The following CP variants were observed in gnomAD, a reference collection of about 807,000 sequenced individuals.
CP encodes the protein ceruloplasmin, also known as caeruloplasmin.
In CP, 64 loss-of-function variants were observed where a neutral mutation model predicts 122.4. That is an observed-to-expected ratio of 0.52 (90% confidence interval 0.43 to 0.64). The LOEUF is 0.64. Among genes scored for constraint, CP ranks in the 30% least tolerant of loss-of-function variants. The probability of loss-of-function intolerance (pLI) is 0.00; values close to 1 mark genes in which losing one functional copy is unlikely to be tolerated. For synonymous variants in CP, 440 were observed against 436.4 expected (o/e 1.01, Z -0.10); for missense variants, 1,167 against 1,284.4 (o/e 0.91, Z 1.40).
intron 10 of CP, among the ~76,000 whole-genome samples, chr3:149,187,648 A>G (rs924675660): frequency 1.3e-5 from 2 of 152,238 alleles, no homozygotes; most frequent in African/African-American, 4.8e-5. Flanking sequence ...AAATGAGAAA[A>G]GCATCTGATC....
chr3:149,186,527 G>A lies in CP; in HGVS notation c.2070C>T (p.Asp690=). The A allele has an allele frequency of 6.2e-7, 1 of 1,614,104 alleles. No homozygotes were observed. Residue 690 remains aspartate (D), a synonymous_variant, in exon 11 of 19, where the codon GAC becomes GAT. Coordinates refer to ENST00000264613, the MANE Select transcript of CP (RefSeq NM_000096.4). ...GGCTTTAAGTAAATATACCCTCTGT[G>A]TCAGGCCACATGTGGAGCGTAAGAC... is the stretch of plus-strand genomic sequence containing the variant. ...QTSLTLHMWP[D]TEGTFNVECL... is the part of the protein sequence containing the mutation.
chr3:149,209,736 G>A (rs1727981704), intron 3 of CP, among the ~76,000 whole-genome samples: 1 of 152,156 alleles, frequency 6.6e-6, no homozygotes, highest in Admixed American at 6.5e-5. Flanking sequence ...AGTTAGAATT[G>A]TATTTCAGGC....
chr3:149,190,656 T>TAAA (rs146345788), intron 9 of CP, among the ~76,000 whole-genome samples: 10 of 64,078 alleles, frequency 1.6e-4, no homozygotes, highest in African/African-American at 2.8e-4. Flanking sequence ...AGACTCTGTC[T>TAAA]AAAAAAAAAA....
intron 14 of CP, 30 bp downstream of exon 14, chr3:149,181,975 C>CTGGGGGGG: frequency 1.8e-6 from 2 of 1,088,426 alleles, no homozygotes; most frequent in Non-Finnish European, 2.7e-6. Flanking sequence ...TGTTAAAATG[C>CTGGGGGGG]ACCACCCCCA....
In CP at chr3:149,221,769, A is replaced by C; in HGVS notation, c.24T>G (p.Ile8Met). ...CTGGGGTACTACATAAAAACAGAAA[A>C]ATACCAAGTATCAAAATCTTCATTT... is the stretch of plus-strand genomic sequence containing the variant. Reference protein sequence around the residue: MKILILGIFLFLCSTPAW... With the variant: MKILILGMFLFLCSTPAW... Residue 8 changes from isoleucine (I) to methionine (M), a missense_variant, in exon 1 of 19, where the codon ATT becomes ATG. Transcript: ENST00000264613. The C allele has an allele frequency of 6.2e-7, 1 of 1,613,842 alleles. No individual in the cohort carries two copies. The highest frequency in any genetic ancestry group is 1.1e-5 in the South Asian group (1 of 91,052).
downstream of CP, chr3:149,168,237 G>T (rs553610247): frequency 9.5e-4 from 407 of 430,246 alleles, 1 homozygote; most frequent in Non-Finnish European, 1.5e-3. Flanking sequence ...CATAGAAAAT[G>T]ACAGCATCAG....
chr3:149,201,155 G>A (rs1412793256), intron 7 of CP, among the ~76,000 whole-genome samples: 1 of 151,866 alleles, frequency 6.6e-6, no homozygotes. Flanking sequence ...ACGGAGTCTC[G>A]CTCTGTCACC....
intron 14 of CP, 31 bp downstream of exon 14, chr3:149,181,974 G>GGGGGGGGGGGGGGGGGGC: frequency 2.2e-6 from 3 of 1,356,686 alleles, no homozygotes; most frequent in East Asian, 2.4e-5. Context: ...CTGTTAAAAT[G>GGGGGGGGGGGGGGGGGGC]CACCACCCCC....
At chr3:149,201,958 C>G in intron 7 of CP, 144 bp downstream of exon 7, 3 of 1,071,032 alleles carry the variant, frequency 2.8e-6, no homozygotes, top group Non-Finnish European at 4.1e-6. Context: ...AAGTACTTAG[C>G]TGCTGCATTT....
chr3:149,181,975 C>CCGGGGG, intron 14 of CP, 30 bp downstream of exon 14: 1 of 1,088,424 alleles, frequency 9.2e-7, no homozygotes, highest in Non-Finnish European at 1.4e-6. Flanking sequence ...TGTTAAAATG[C>CCGGGGG]ACCACCCCCA....
intron 6 of CP, among the ~76,000 whole-genome samples, chr3:149,205,689 G>A (rs536486759): frequency 3.3e-5 from 5 of 152,104 alleles, no homozygotes; most frequent in Non-Finnish European, 7.4e-5. Flanking sequence ...CCTAGAATAG[G>A]AAAACTCATA....
At chr3:149,207,770 T>C (rs1317341581) in intron 4 of CP, 153 bp from the exon 5 acceptor site, 1 of 781,534 alleles carries the variant, frequency 1.3e-6, no homozygotes, top group Middle Eastern at 3.2e-4. Flanking sequence ...ACATTGCTAA[T>C]CAATCACAGC....
At chr3:149,213,164 TA>T (rs1159019979) in intron 1 of CP, among the ~76,000 whole-genome samples, 3 of 152,244 alleles carry the variant, frequency 2.0e-5, no homozygotes, top group African/African-American at 7.2e-5. Flanking sequence ...TATATTTATA[TA>T]TTTTTTTCCT....
At chr3:149,162,937 A>G in intron 5 of CP, 2 of 1,328,766 alleles carry the variant, frequency 1.5e-6, no homozygotes, top group South Asian at 1.2e-5. Context: ...ACAAAAACAT[A>G]CCTTATTTTT....
chr3:149,188,490 CAAAAA>C (rs60815739), intron 9 of CP, among the ~76,000 whole-genome samples: 55 of 46,096 alleles, frequency 1.2e-3, no homozygotes, highest in African/African-American at 1.8e-3. Context: ...TTGAAGCCTC[CAAAAA>C]AAAAAAAAAA....
rs751067110 is a variant in CP at position 149,186,580 on chromosome 3, C to T, written c.2017G>A (p.Asp673Asn). 2.1e-5 allele frequency: 34 copies of T among 1,614,070 alleles called. No homozygotes were observed. Among genetic ancestry groups the T allele is most frequent in the Non-Finnish European group, 2.5e-5 (30 of 1,180,038 alleles). ...NTYLWRGERR[D>N]TANLFPQTSL... ...GTTTGAGGGAAGAGGTTTGCTGTGT[C>T]TCTCCGTTCTCCTCTCCACAGATAT... Residue 673 changes from aspartate (D) to asparagine (N), a missense_variant, in exon 11 of 19, where the codon GAC becomes AAC. By Grantham distance (23) the Asp-to-Asn change is conservative. Coordinates refer to ENST00000264613, the MANE Select transcript of CP (RefSeq NM_000096.4).
At chr3:149,214,029 T>A (rs530998690) in intron 1 of CP, among the ~76,000 whole-genome samples, 1 of 152,322 alleles carries the variant, frequency 6.6e-6, no homozygotes, top group African/African-American at 2.4e-5. Context: ...GGCCCAGGTA[T>A]CTGCATTATT....
chr3:149,199,134 G>T (rs1727118957), intron 8 of CP, among the ~76,000 whole-genome samples: 1 of 152,048 alleles, frequency 6.6e-6, no homozygotes. Context: ...TGTAAAAATA[G>T]TCAAAAAATC....
intron 17 of CP, 146 bp from the exon 18 acceptor site, chr3:149,176,558 G>T: frequency 1.5e-6 from 1 of 658,164 alleles, no homozygotes; most frequent in Middle Eastern, 4.1e-4. Context: ...TAATACAAAT[G>T]GTAAAATGTG....
Sources: gnomAD v4.1 joint callset for allele counts (sites outside exome capture counted in the v4.1 genomes callset) on GRCh38, gnomAD v4.1.1 for gene constraint, MANE v1.5 for transcripts, NCBI Gene and HGNC (gene_info 2026-07-23, HGNC 2026-07-21) for gene names.